The following PADI2 variants were observed in gnomAD, a reference collection of about 807,000 sequenced individuals.
PADI2 encodes peptidyl arginine deiminase 2, also known as protein-arginine deiminase type-2.
A neutral mutation model predicts 81.1 loss-of-function variants in PADI2; 70 were observed. The ratio of observed to expected loss-of-function variants is 0.86; its 90% CI spans 0.71 to 1.05. PADI2 has a LOEUF of 1.05. Among genes scored for constraint, PADI2 ranks in the 50% least tolerant of loss-of-function variants. The probability of loss-of-function intolerance (pLI) is 0.00; values close to 1 mark genes in which losing one functional copy is unlikely to be tolerated. For synonymous variants in PADI2, 338 were observed against 358.0 expected, an observed-to-expected ratio of 0.94 and a Z score of 0.63; for missense variants, 853 against 889.9, an observed-to-expected ratio of 0.96 and a Z score of 0.53.
chr1:17,071,188 G>A lies in PADI2; in HGVS notation c.1635+218C>T, dbSNP rs556773837. On this transcript the variant is annotated intron_variant, in intron 14 of 15. Coordinates refer to ENST00000375486, the MANE Select transcript of PADI2 (RefSeq NM_007365.3). ...GTCCTACCTCCCCAAGTGAGGGGGCGGCACAATTTGGCACTTCTTTAACCC... is the reference window on the plus strand; with the variant it reads ...GTCCTACCTCCCCAAGTGAGGGGGCAGCACAATTTGGCACTTCTTTAACCC... Among the ~76,000 whole-genome samples the A allele has an allele frequency of 1.4e-3, 208 of 152,258 alleles. 1 individual carries two copies. The highest frequency in any genetic ancestry group is 2.0e-3 in the Non-Finnish European group (137 of 68,024).
At chr1:17,074,292 T>C (rs1268250207) in intron 13 of PADI2, among the ~76,000 whole-genome samples, 1 of 150,812 alleles carries the variant, frequency 6.6e-6, no homozygotes, top group African/African-American at 2.4e-5. Context: ...CTTGGGAGGC[T>C]GAGGCAGGAG....
chr1:17,087,133 T>C (rs1016724042), intron 6 of PADI2, among the ~76,000 whole-genome samples: 4 of 152,224 alleles, frequency 2.6e-5, no homozygotes, highest in Non-Finnish European at 5.9e-5. Flanking sequence ...AGTCGAATTC[T>C]GAATCCCGAG....
intron 10 of PADI2, among the ~76,000 whole-genome samples, chr1:17,080,370 CA>C (rs1293317910): frequency 6.6e-6 from 1 of 152,156 alleles, no homozygotes; most frequent in Non-Finnish European, 1.5e-5. Flanking sequence ...GTGTGTCTGC[CA>C]ACTCTTTGAA....
At position 17,083,709 on chromosome 1, in the gene PADI2, G is replaced by A; in HGVS notation, c.1050+17C>T. The A allele has an allele frequency of 6.5e-7, 1 of 1,528,768 alleles. No individual in the cohort carries two copies. The highest frequency in any genetic ancestry group is 1.1e-5 in the South Asian group (1 of 89,338). 94.7% of individuals were successfully genotyped at this position (1,528,768 alleles called of 1,614,324 possible). A position where few individuals can be genotyped will look rare whatever the true frequency, so the allele number is the denominator to read the frequency against. Reference sequence around the variant, plus strand: ...CCGGGGGCCATGTCCTTCCCAGCCTGGACCTGGGCTCCTTACCTGGATCCA... The same window carrying A: ...CCGGGGGCCATGTCCTTCCCAGCCTAGACCTGGGCTCCTTACCTGGATCCA... On this transcript the variant is annotated intron_variant, in intron 9 of 15. Coordinates refer to ENST00000375486, the MANE Select transcript of PADI2 (RefSeq NM_007365.3).
chr1:17,081,467 A>G (rs1029707599), intron 10 of PADI2, among the ~76,000 whole-genome samples: 2 of 152,230 alleles, frequency 1.3e-5, no homozygotes, highest in African/African-American at 4.8e-5. Flanking sequence ...CTCTGTGCTG[A>G]CACCATTGGC....
At chr1:17,107,286 T>C (rs946806298) in intron 1 of PADI2, among the ~76,000 whole-genome samples, 1 of 152,136 alleles carries the variant, frequency 6.6e-6, no homozygotes, top group African/African-American at 2.4e-5. Flanking sequence ...TTTAAATCTA[T>C]AGGGTGTTTT....
At chr1:17,092,191 A>G (rs866243710) in intron 6 of PADI2, among the ~76,000 whole-genome samples, 1 of 152,124 alleles carries the variant, frequency 6.6e-6, no homozygotes, top group African/African-American at 2.4e-5. Flanking sequence ...TGGGTTCTAC[A>G]TAGACCCATG....
Sources: gnomAD v4.1 joint callset for allele counts (sites outside exome capture counted in the v4.1 genomes callset) on GRCh38, gnomAD v4.1.1 for gene constraint, MANE v1.5 for transcripts, NCBI Gene and HGNC (gene_info 2026-07-23, HGNC 2026-07-21) for gene names.